CNBD2: variants seen among roughly 807,000 people sequenced by gnomAD.
CNBD2 encodes cyclic nucleotide-binding domain-containing protein 2.
In CNBD2, 64 loss-of-function variants were observed where a neutral mutation model predicts 63.7. The observed-to-expected ratio is 1.00, with a 90% CI of 0.82 to 1.24. The LOEUF is 1.24. Ranked by LOEUF, CNBD2 falls within the 50% of genes most tolerant of loss-of-function variation. The probability of loss-of-function intolerance (pLI) is 0.00; values close to 1 mark genes in which losing one functional copy is unlikely to be tolerated. For missense variants in CNBD2, 691 were observed against 713.5 expected, an observed-to-expected ratio of 0.97 and a Z score of 0.36; for synonymous variants, 229 against 255.4, an observed-to-expected ratio of 0.90 and a Z score of 0.99.
At chr20:36,000,267 A>G (rs1424096496) in intron 8 of CNBD2, among the ~76,000 whole-genome samples, 1 of 148,352 alleles carries the variant, frequency 6.7e-6, no homozygotes, top group African/African-American at 2.6e-5. Flanking sequence ...TTCTTTCACT[A>G]CTTTAAAGAT....
At chr20:36,007,365 A>C (rs754365320) in intron 8 of CNBD2, among the ~76,000 whole-genome samples, 3 of 151,778 alleles carry the variant, frequency 2.0e-5, no homozygotes, top group South Asian at 2.1e-4. Flanking sequence ...GCCCAGGCTG[A>C]AGTTGAGCTC....
chr20:35,954,654 C>T (rs1210758840), upstream of CNBD2: 21 of 1,265,428 alleles, frequency 1.7e-5, no homozygotes, highest in Non-Finnish European at 2.1e-5. Context: ...ATGGTGGCGC[C>T]TCTGAGCGCC....
upstream of CNBD2, among the ~76,000 whole-genome samples, chr20:35,967,398 C>T (rs1269625948): frequency 1.3e-5 from 2 of 151,620 alleles, no homozygotes; most frequent in Non-Finnish European, 2.9e-5. Context: ...TATAGGTGCC[C>T]ACCACCTCAC....
At chr20:35,980,681 T>C (rs1293711958) in intron 4 of CNBD2, 59 bp downstream of exon 4, 2 of 1,555,466 alleles carry the variant, frequency 1.3e-6, no homozygotes, top group Admixed American at 3.5e-5. Context: ...CAAAAGAGCC[T>C]GGCTGAGAAG....
At position 35,983,969 on chromosome 20, in the gene CNBD2, G is replaced by A. The variant is rs766155689; in HGVS notation, c.408-13G>A. On this transcript the variant is annotated splice_polypyrimidine_tract_variant and intron_variant, in intron 4 of 11. Coordinates refer to ENST00000373973, the MANE Select transcript of CNBD2 (RefSeq NM_001365709.1). ...TGTCACTACCCAATCAACTAGCAGT[G>A]GTCTTTTCCCAGGTTTGGTCGCAGG... 3 of 1,614,142 alleles carry A rather than the reference G, an allele frequency of 1.9e-6. No homozygotes were observed. The highest frequency in any genetic ancestry group is 2.5e-6 in the Non-Finnish European group (3 of 1,180,014).
At chr20:35,955,210 C>A (rs2056241876) in exon 1 of CNBD2, 1 of 158,544 alleles carries the variant, frequency 6.3e-6, no homozygotes, top group Non-Finnish European at 1.5e-5. Flanking sequence ...GTTGATAACC[C>A]TCGAAATATA....
At chr20:35,989,893 A>G (rs1173345008) in intron 7 of CNBD2, among the ~76,000 whole-genome samples, 3 of 100,298 alleles carry the variant, frequency 3.0e-5, no homozygotes, top group East Asian at 3.6e-4. Context: ...GAGAGAGAAG[A>G]GGGGAGGGGA....
intron 8 of CNBD2, among the ~76,000 whole-genome samples, chr20:36,003,456 T>C (rs569429293): frequency 6.6e-6 from 1 of 152,338 alleles, no homozygotes; most frequent in South Asian, 2.1e-4. Context: ...TTTAAATTTG[T>C]TATGTGGGGT....
intron 7 of CNBD2, among the ~76,000 whole-genome samples, chr20:35,990,085 A>G (rs902959075): frequency 5.9e-5 from 9 of 152,158 alleles, no homozygotes; most frequent in Non-Finnish European, 1.3e-4. Flanking sequence ...TAGAAATACT[A>G]TGCAATTGTG....
chr20:36,004,289 G>A lies in CNBD2; in HGVS notation c.971-4008G>A, dbSNP rs182656596. ...CATGTGCTGATTAATACTCAGCTGAGCTTCAGGGGAAACTCTCTGCAGATC... is the reference window on the plus strand; with the variant it reads ...CATGTGCTGATTAATACTCAGCTGAACTTCAGGGGAAACTCTCTGCAGATC... On this transcript the variant is annotated intron_variant, in intron 8 of 11. Coordinates refer to ENST00000373973, the MANE Select transcript of CNBD2 (RefSeq NM_001365709.1). Among the ~76,000 whole-genome samples the A allele has an allele frequency of 2.6e-5, 4 of 152,236 alleles. No homozygotes were observed. In the East Asian group the frequency reaches 5.8e-4, roughly 22 times the overall value.
intron 9 of CNBD2, among the ~76,000 whole-genome samples, chr20:36,010,635 T>G (rs1205036713): frequency 6.6e-6 from 1 of 151,844 alleles, no homozygotes; most frequent in African/African-American, 2.4e-5. Flanking sequence ...TGGTGGTGGG[T>G]GCCTGTAGTC....
At chr20:36,027,257 C>T (rs1184159361) in intron 11 of CNBD2, among the ~76,000 whole-genome samples, 1 of 152,106 alleles carries the variant, frequency 6.6e-6, no homozygotes, top group Non-Finnish European at 1.5e-5. Flanking sequence ...GTGTGGGAAG[C>T]GAGTGATTCC....
upstream of CNBD2, among the ~76,000 whole-genome samples, chr20:35,967,951 G>A (rs1486815935): frequency 1.3e-5 from 2 of 152,212 alleles, no homozygotes; most frequent in Non-Finnish European, 2.9e-5. Context: ...GAATTCAAGG[G>A]TGAGCCAGTG....
chr20:35,960,776 CTCTT>C (rs1318229887), intron 2 of CNBD2, among the ~76,000 whole-genome samples: 37 of 89,650 alleles, frequency 4.1e-4, no homozygotes, highest in Middle Eastern at 6.3e-3. Context: ...CTCTTCCCTT[CTCTT>C]CCATTCTCTT....
chr20:35,963,873 C>A (rs924757049), upstream of CNBD2, among the ~76,000 whole-genome samples: 2 of 152,112 alleles, frequency 1.3e-5, no homozygotes, highest in African/African-American at 4.8e-5. Context: ...TGGATCCATA[C>A]TGGGGGTTGC....
chr20:35,970,473 T>G (rs1010620948), intron 1 of CNBD2, among the ~76,000 whole-genome samples: 1 of 152,176 alleles, frequency 6.6e-6, no homozygotes. Context: ...TTCAGCTCAC[T>G]GCAACCTCCA....
chr20:35,954,567 G>A (rs2056229451), upstream of CNBD2: 2 of 1,470,550 alleles, frequency 1.4e-6, no homozygotes, highest in Non-Finnish European at 1.8e-6. Flanking sequence ...GCCCTCTAGC[G>A]TTCTCGAGTC....
rs188931446 is a variant in CNBD2, at chr20:36,022,648, T to G, written c.1270-954T>G. ...CCACACCTGGCCTATTTTACTTTTT[T>G]GGGATAGTCTCTCGCTCTGTTGCCC... On this transcript the variant is annotated intron_variant, in intron 10 of 11. Coordinates refer to ENST00000373973, the MANE Select transcript of CNBD2 (RefSeq NM_001365709.1). Among the ~76,000 whole-genome samples, 679 of 151,426 alleles carry G rather than the reference T, an allele frequency of 4.5e-3. 5 individuals carry two copies. The highest frequency in any genetic ancestry group is 0.015 in the African/African-American group (634 of 41,212).
At chr20:36,017,845 G>A (rs2057155699) in intron 10 of CNBD2, among the ~76,000 whole-genome samples, 1 of 151,978 alleles carries the variant, frequency 6.6e-6, no homozygotes, top group African/African-American at 2.4e-5. Flanking sequence ...CCACCTCTGC[G>A]CCCACACACC....
Sources: allele counts gnomAD v4.1 joint callset (sites outside exome capture counted in the v4.1 genomes callset), GRCh38; gene constraint gnomAD v4.1.1; transcripts MANE v1.5; gene names NCBI Gene and HGNC (gene_info 2026-07-23, HGNC 2026-07-21).